CLDN14: variants seen among roughly 807,000 people sequenced by gnomAD.
CLDN14 encodes the protein claudin 14, also known as claudin-14.
A neutral mutation model predicts 2.1 loss-of-function variants in CLDN14; 2 were observed. That is an observed-to-expected ratio of 0.96 (90% CI 0.39 to 3.01). CLDN14 has a LOEUF of 3.01. Among genes scored for constraint, CLDN14 ranks in the 30% most tolerant of loss-of-function variants. The pLI is 0.09. For missense variants in CLDN14, 298 were observed against 328.0 expected (o/e 0.91, Z 0.71); for synonymous variants, 136 against 154.4 (o/e 0.88, Z 0.88).
intron 2 of CLDN14, chr21:36,486,224 G>T (rs749518559): frequency 5.6e-6 from 5 of 891,054 alleles, no homozygotes; most frequent in South Asian, 3.9e-5. Context: ...GCCAAACTCT[G>T]CTCCTGCAGG....
intron 2 of CLDN14, among the ~76,000 whole-genome samples, chr21:36,506,992 G>A (rs567354153): frequency 7.2e-4 from 110 of 152,156 alleles, no homozygotes; most frequent in African/African-American, 2.3e-3. Flanking sequence ...GCATGGTGGT[G>A]TGTACCTGTA....
rs1386885433 is a variant in CLDN14, at chr21:36,544,932, G to A, written c.-220+31479C>T. 6.6e-6 allele frequency among the ~76,000 whole-genome samples: 1 copy of A among 152,240 alleles called. No individual in the cohort carries two copies. The highest frequency in any genetic ancestry group is 6.5e-5 in the Admixed American group (1 of 15,280). On this transcript the variant is annotated intron_variant, in intron 1 of 2. Transcript: ENST00000342108. This position sits in a 1 kb window ranked among gnomAD's most constrained non-coding sequence, Gnocchi z 4.1. Reference sequence around the variant, plus strand: ...GCTACTGCAGCGGGTGCCAATTGAAGTTTGCTTGCAGGAGGGATTGTAAGT... The same window carrying A: ...GCTACTGCAGCGGGTGCCAATTGAAATTTGCTTGCAGGAGGGATTGTAAGT...
intron 1 of CLDN14, among the ~76,000 whole-genome samples, chr21:36,527,875 G>T (rs981098803): frequency 6.6e-6 from 1 of 151,898 alleles, no homozygotes; most frequent in Non-Finnish European, 1.5e-5. Flanking sequence ...TTAAGCTCTG[G>T]TTTTTAGGAA....
intron 1 of CLDN14, among the ~76,000 whole-genome samples, chr21:36,550,864 A>T (rs1436839296): frequency 2.0e-5 from 3 of 152,182 alleles, no homozygotes; most frequent in African/African-American, 4.8e-5. Context: ...TCCCAAATTC[A>T]TGCTCACCCA....
At chr21:36,463,041 GGAAGGAAAA>G (rs2086599728) in intron 1 of CLDN14, among the ~76,000 whole-genome samples, 1 of 151,994 alleles carries the variant, frequency 6.6e-6, no homozygotes, top group Non-Finnish European at 1.5e-5. Context: ...CACAGAGAAA[GGAAGGAAAA>G]AAAGGAAGGG....
intron 1 of CLDN14, among the ~76,000 whole-genome samples, chr21:36,534,847 T>A (rs1341056575): frequency 6.6e-6 from 1 of 151,982 alleles, no homozygotes; most frequent in African/African-American, 2.4e-5. Flanking sequence ...AAATATTGAG[T>A]GGGTTGCATC....
chr21:36,564,094 AG>A (rs2087656136), intron 1 of CLDN14, among the ~76,000 whole-genome samples: 2 of 152,246 alleles, frequency 1.3e-5, no homozygotes. Flanking sequence ...AAGATGAGGC[AG>A]GTGGCAAATG....
chr21:36,532,571 A>G (rs1306498588), intron 1 of CLDN14, among the ~76,000 whole-genome samples: 1 of 151,962 alleles, frequency 6.6e-6, no homozygotes. Context: ...TGTTGTGCAC[A>G]TGTACCCTAA....
Position 36,498,916 on chromosome 21 carries a change from G to A in CLDN14, c.-82+11447C>T, listed in dbSNP as rs1197620107. On this transcript the variant is annotated intron_variant, in intron 2 of 2. Coordinates refer to the CLDN14 transcript ENST00000342108. The surrounding 1 kb of genome is among the most constrained non-coding windows in gnomAD (Gnocchi z 4.9). ...AGGAACCTGTCCCTTTCTTCTAGGT[G>A]GTTCGCTCAGCAAGGGTACTTTTTG... Among the ~76,000 whole-genome samples the A allele has an allele frequency of 1.3e-5, 2 of 152,144 alleles. No homozygotes were observed. Among genetic ancestry groups the A allele is most frequent in the Non-Finnish European group, 2.9e-5 (2 of 68,024 alleles).
intron 2 of CLDN14, among the ~76,000 whole-genome samples, chr21:36,497,691 A>C (rs1325159712): frequency 6.6e-6 from 1 of 152,090 alleles, no homozygotes; most frequent in African/African-American, 2.4e-5. Flanking sequence ...CGTTTAGCCA[A>C]GACACCTTTC....
intron 1 of CLDN14, among the ~76,000 whole-genome samples, chr21:36,568,126 G>A (rs1471619547): frequency 6.6e-6 from 1 of 152,162 alleles, no homozygotes; most frequent in Non-Finnish European, 1.5e-5. Flanking sequence ...TTACAGAGTG[G>A]ATGGGGTAAG....
rs558789660 is a variant in CLDN14, at chr21:36,536,073, TATC to T, written c.-219-25576_-219-25574del. 2.4e-3 allele frequency among the ~76,000 whole-genome samples: 364 copies of T among 152,266 alleles called. 2 individuals carry two copies. Among genetic ancestry groups the T allele is most frequent in the African/African-American group, 8.3e-3 (343 of 41,542 alleles). On this transcript the variant is annotated intron_variant, in intron 1 of 2. Coordinates refer to the CLDN14 transcript ENST00000342108. ...CACTTAAGCAGACTGAAAAAGCAAT[TATC>T]ATAAAATGCAAGTTCAGCTGCAGCC...
intron 1 of CLDN14, among the ~76,000 whole-genome samples, chr21:36,542,104 C>T (rs1437760668): frequency 6.6e-6 from 1 of 152,108 alleles, no homozygotes; most frequent in Non-Finnish European, 1.5e-5. Flanking sequence ...ATTACAGGCA[C>T]TCACGCACCA....
chr21:36,571,825 A>G (rs1008714274), intron 1 of CLDN14, among the ~76,000 whole-genome samples: 1 of 152,190 alleles, frequency 6.6e-6, no homozygotes. Flanking sequence ...GAAAGTCACC[A>G]GGGGTTATAA....
At chr21:36,556,706 A>G (rs2087601317) in intron 1 of CLDN14, among the ~76,000 whole-genome samples, 1 of 152,226 alleles carries the variant, frequency 6.6e-6, no homozygotes, top group African/African-American at 2.4e-5. Flanking sequence ...TGTCTTCTTG[A>G]AAAGTCTCAA....
chr21:36,471,657 A>G (rs2850102), intron 1 of CLDN14, among the ~76,000 whole-genome samples: 130,650 of 152,256 alleles, frequency 0.86, 56,193 homozygotes, highest in Admixed American at 0.91. Context: ...AGAGCCCACT[A>G]GGCTCCGCCT....
chr21:36,566,377 C>T (rs760395728), intron 1 of CLDN14, among the ~76,000 whole-genome samples: 1 of 152,204 alleles, frequency 6.6e-6, no homozygotes, highest in Non-Finnish European at 1.5e-5. Context: ...GAACTTAGAT[C>T]TCTGACTTAG....
intron 1 of CLDN14, among the ~76,000 whole-genome samples, chr21:36,520,626 C>G (rs142390138): frequency 0.022 from 3,361 of 152,208 alleles, 53 homozygotes; most frequent in Non-Finnish European, 0.034. Context: ...ACCTCTTTTT[C>G]TTTATAAATT....
At chr21:36,527,382 G>C (rs2087341433) in intron 1 of CLDN14, among the ~76,000 whole-genome samples, 1 of 152,210 alleles carries the variant, frequency 6.6e-6, no homozygotes. Context: ...TATGCCTTGT[G>C]TAGCTGCGTC....
Sources: gnomAD v4.1 joint callset for allele counts (sites outside exome capture counted in the v4.1 genomes callset) on GRCh38, gnomAD v4.1.1 for gene constraint, Gnocchi (gnomAD v3.1) non-coding constraint, MANE v1.5 for transcripts, NCBI Gene and HGNC (gene_info 2026-07-23, HGNC 2026-07-21) for gene names.